The following STX17 variants were observed in gnomAD, a reference collection of about 807,000 sequenced individuals.
The protein encoded by STX17 is syntaxin 17, also known as syntaxin-17.
STX17 carries 29 observed loss-of-function variants against 35.9 expected under a neutral mutation model. That is an observed-to-expected ratio of 0.81 (90% confidence interval 0.60 to 1.10). STX17 has a LOEUF of 1.10. Ranked by LOEUF, STX17 falls within the 50% of genes least tolerant of loss-of-function variation. The pLI is 0.00. For missense variants in STX17, 312 were observed against 352.3 expected, an observed-to-expected ratio of 0.89 and a Z score of 0.92; for synonymous variants, 92 against 118.3, an observed-to-expected ratio of 0.78 and a Z score of 1.44.
chr9:99,962,008 A>G (rs545540533), intron 6 of STX17, among the ~76,000 whole-genome samples: 2 of 152,222 alleles, frequency 1.3e-5, no homozygotes, highest in South Asian at 2.1e-4. Context: ...CCTTCTTTCC[A>G]TATGAAAGTC....
At chr9:99,929,015 AGTTTT>A in intron 3 of STX17, 172 bp downstream of exon 3, 1 of 544,816 alleles carries the variant, frequency 1.8e-6, no homozygotes, top group South Asian at 2.8e-5. Context: ...ATATTTTCAA[AGTTTT>A]GTTTTGTTAC....
chr9:99,914,459 C>G (rs1828726933), intron 1 of STX17, among the ~76,000 whole-genome samples: 1 of 152,082 alleles, frequency 6.6e-6, no homozygotes, highest in Non-Finnish European at 1.5e-5. Flanking sequence ...AAATGCATAC[C>G]CTTGGACTTT....
chr9:99,957,853 G>C (rs1362437877), intron 4 of STX17, among the ~76,000 whole-genome samples: 1 of 151,312 alleles, frequency 6.6e-6, no homozygotes, highest in Admixed American at 6.6e-5. Flanking sequence ...GGGTTTCGCC[G>C]TGTTGCCCAG....
chr9:99,949,050 G>T (rs1829541252), intron 3 of STX17, among the ~76,000 whole-genome samples: 1 of 152,062 alleles, frequency 6.6e-6, no homozygotes, highest in Non-Finnish European at 1.5e-5. Flanking sequence ...ATTGTTCTGG[G>T]ACTTGAGGCC....
intron 2 of STX17, among the ~76,000 whole-genome samples, chr9:99,923,166 A>C (rs1828921707): frequency 6.6e-6 from 1 of 151,568 alleles, no homozygotes; most frequent in African/African-American, 2.4e-5. Flanking sequence ...GTATATGGGC[A>C]GGAATATCAC....
At position 99,935,106 on chromosome 9, in the gene STX17, A is replaced by G. The variant is rs938697423; in HGVS notation, c.189+6263A>G. On this transcript the variant is annotated intron_variant, in intron 3 of 7. Coordinates refer to ENST00000259400, the MANE Select transcript of STX17 (RefSeq NM_017919.3). ...AGCACTTTGGAAAGCTGAAGCGGGC[A>G]GATCACGAGGTCAGGAGATCGAGAC... Among the ~76,000 whole-genome samples the G allele has an allele frequency of 3.3e-5, 5 of 152,038 alleles. No homozygotes were observed. In the East Asian group the frequency reaches 9.6e-4, roughly 29 times the overall value.
Position 99,973,408 on chromosome 9 carries a change from G to C in STX17, c.*4735G>C, listed in dbSNP as rs761476244. On this transcript the variant is annotated 3_prime_UTR_variant, in exon 8 of 8. Coordinates refer to ENST00000259400, the MANE Select transcript of STX17 (RefSeq NM_017919.3). The stretch of plus-strand genomic sequence containing the variant: ...AGACTAGCTTCAACATTCCAAATCA[G>C]GCAATAGCTACAACGGAAAGATAAT... 6.6e-6 allele frequency among the ~76,000 whole-genome samples: 1 copy of C among 152,146 alleles called. No homozygotes were observed. The highest frequency in any genetic ancestry group is 6.5e-5 in the Admixed American group (1 of 15,288).
At chr9:99,919,280 G>A (rs570659767) in intron 2 of STX17, among the ~76,000 whole-genome samples, 5 of 152,080 alleles carry the variant, frequency 3.3e-5, no homozygotes, top group East Asian at 3.9e-4. Flanking sequence ...TTGCTTAGTC[G>A]TTTTTTAGAG....
chr9:99,971,366 G>A lies in STX17; in HGVS notation c.*2693G>A, dbSNP rs1404000932. Among the ~76,000 whole-genome samples, 1 of 150,704 alleles carries A rather than the reference G, an allele frequency of 6.6e-6. No homozygotes were observed. The highest frequency in any genetic ancestry group is 1.5e-5 in the Non-Finnish European group (1 of 67,774). On this transcript the variant is annotated 3_prime_UTR_variant, in exon 8 of 8. Transcript: ENST00000259400. The stretch of plus-strand genomic sequence containing the variant: ...TCAAACCTTTTGGCTGTAACCCACA[G>A]TAAAAAACGCATTTATATCAAACCT...
Position 99,913,794 on chromosome 9 carries a change from A to G in STX17, c.-62-1384A>G, listed in dbSNP as rs555434426. ...GACTTTTGAGCCTTGTATCAAACAT[A>G]AAAACCAAGTTACTAATGGGTAGGT... On this transcript the variant is annotated intron_variant, in intron 1 of 7. Coordinates refer to ENST00000259400, the MANE Select transcript of STX17 (RefSeq NM_017919.3). 2.0e-5 allele frequency among the ~76,000 whole-genome samples: 3 copies of G among 152,194 alleles called. No individual in the cohort carries two copies. The South Asian group carries it at 6.2e-4, about 32-fold the overall frequency.
At chr9:99,950,056 C>G (rs1388442848) in intron 3 of STX17, among the ~76,000 whole-genome samples, 1 of 151,634 alleles carries the variant, frequency 6.6e-6, no homozygotes, top group Non-Finnish European at 1.5e-5. Context: ...AAGGCTTTAT[C>G]CCAGGAATAT....
intron 4 of STX17, among the ~76,000 whole-genome samples, chr9:99,957,436 T>C (rs1277655833): frequency 6.6e-6 from 1 of 152,178 alleles, no homozygotes; most frequent in Non-Finnish European, 1.5e-5. Context: ...TGTTGATTAC[T>C]TTTTATCTCT....
At chr9:99,966,019 G>A (rs1301875560) in intron 6 of STX17, among the ~76,000 whole-genome samples, 1 of 152,160 alleles carries the variant, frequency 6.6e-6, no homozygotes, top group African/African-American at 2.4e-5. Flanking sequence ...CTGACTAAAG[G>A]TGGTGCCCTT....
At chr9:99,907,444 T>G (rs1828574464) in intron 1 of STX17, 1 of 152,228 alleles carries the variant, frequency 6.6e-6, no homozygotes, top group African/African-American at 2.4e-5. Flanking sequence ...GGTCTTTCAC[T>G]TATTAATAAC....
At chr9:99,918,482 G>A (rs1310080361) in intron 2 of STX17, among the ~76,000 whole-genome samples, 1 of 150,952 alleles carries the variant, frequency 6.6e-6, no homozygotes, top group Non-Finnish European at 1.5e-5. Context: ...CGTGGATGCT[G>A]TATCATAACA....
intron 3 of STX17, among the ~76,000 whole-genome samples, chr9:99,938,489 A>G (rs1348480000): frequency 6.6e-6 from 1 of 152,220 alleles, no homozygotes; most frequent in African/African-American, 2.4e-5. Context: ...TGGCTTTTAT[A>G]GAAATTTGAT....
intron 4 of STX17, among the ~76,000 whole-genome samples, chr9:99,958,494 A>G (rs543507979): frequency 5.9e-5 from 9 of 152,362 alleles, no homozygotes; most frequent in African/African-American, 1.9e-4. Context: ...TACTTTATAT[A>G]TAACCCAGGT....
chr9:99,960,045 A>G lies in STX17; in HGVS notation c.531+13A>G. On this transcript the variant is annotated intron_variant, in intron 5 of 7. Coordinates refer to ENST00000259400, the MANE Select transcript of STX17 (RefSeq NM_017919.3). ...AACCTTAGAAGCGGTATGTTAAAAA[A>G]TGTTTTCTTTTTGGTAGTTGTGAGG... The G allele has an allele frequency of 6.2e-7, 1 of 1,613,950 alleles. No individual in the cohort carries two copies. Among genetic ancestry groups the G allele is most frequent in the Non-Finnish European group, 8.5e-7 (1 of 1,179,918 alleles).
chr9:99,969,426 T>C lies in STX17; in HGVS notation c.*753T>C, dbSNP rs1052381489. 6.6e-6 allele frequency: 1 copy of C among 152,238 alleles called. No individual in the cohort carries two copies. The highest frequency in any genetic ancestry group is 1.5e-5 in the Non-Finnish European group (1 of 68,048). 9.4% of individuals were successfully genotyped at this position (152,238 alleles called of 1,614,324 possible). On this transcript the variant is annotated 3_prime_UTR_variant, in exon 8 of 8. Transcript: ENST00000259400. The stretch of plus-strand genomic sequence containing the variant: ...CTGTGCTGTCCCTCCCTTGTAATTA[T>C]GAAAAGTTCTTTGGTTTCTGGGGTG...
Sources: gnomAD v4.1 joint callset for allele counts (sites outside exome capture counted in the v4.1 genomes callset) on GRCh38, gnomAD v4.1.1 for gene constraint, MANE v1.5 for transcripts, NCBI Gene and HGNC (gene_info 2026-07-23, HGNC 2026-07-21) for gene names.